The following CIMIP2C variants were observed in gnomAD, a reference collection of about 807,000 sequenced individuals.
CIMIP2C encodes ciliary microtubule inner protein 2C.
the CIMIP2C span, among the ~76,000 whole-genome samples, chr2:26,573,357 T>A: frequency 6.9e-6 from 1 of 144,382 alleles, no homozygotes; most frequent in African/African-American, 2.9e-5. Flanking sequence ...TGTGGAAATG[T>A]ACAATCTAGG....
At chr2:26,571,143 GA>G in the CIMIP2C span, among the ~76,000 whole-genome samples, 1 of 758 alleles carries the variant, frequency 1.3e-3, no homozygotes, top group East Asian at 0.25. Flanking sequence ...CCCAGAGGTA[GA>G]GAGGCTGTCA....
At chr2:26,576,071 C>CT in the CIMIP2C span, 1 of 1,614,238 alleles carries the variant, frequency 6.2e-7, no homozygotes, top group Non-Finnish European at 8.5e-7. Context: ...CAACCTCCTG[C>CT]TGATGGAGCG....
At chr2:26,571,977 TTTGAGA>T in the CIMIP2C span, 1 of 359,112 alleles carries the variant, frequency 2.8e-6, no homozygotes. Flanking sequence ...AATAAGTAGA[TTTGAGA>T]TAAGTGTTAA....
chr2:26,569,935 G>A, the CIMIP2C span, among the ~76,000 whole-genome samples: 58 of 152,298 alleles, frequency 3.8e-4, no homozygotes, highest in African/African-American at 1.3e-3. Context: ...AGGCTCCACC[G>A]TGGAGCTCAG....
the CIMIP2C span, chr2:26,579,111 G>A: frequency 8.0e-6 from 5 of 628,822 alleles, no homozygotes; most frequent in East Asian, 1.4e-4. Context: ...CTTAACCACT[G>A]TGCCATTATG....
the CIMIP2C span, among the ~76,000 whole-genome samples, chr2:26,576,847 T>A: frequency 6.6e-6 from 1 of 152,198 alleles, no homozygotes; most frequent in Non-Finnish European, 1.5e-5. Context: ...AGACCACAGG[T>A]GCATGGGCCT....
the CIMIP2C span, chr2:26,577,622 C>T: frequency 2.5e-6 from 4 of 1,612,964 alleles, no homozygotes; most frequent in South Asian, 2.2e-5. Context: ...CCCCTCCCCA[C>T]CGTCCTGTGA....
chr2:26,574,172 G>C, the CIMIP2C span, among the ~76,000 whole-genome samples: 1 of 152,228 alleles, frequency 6.6e-6, no homozygotes, highest in Non-Finnish European at 1.5e-5. Context: ...ATGTAGAGGA[G>C]GTGATGGGGC....
chr2:26,575,273 C>T, the CIMIP2C span, among the ~76,000 whole-genome samples: 3 of 152,184 alleles, frequency 2.0e-5, no homozygotes, highest in Admixed American at 6.5e-5. Flanking sequence ...GCGTCCTGAA[C>T]CTACGCCTTG....
chr2:26,579,254 C>T, the CIMIP2C span: 5 of 1,604,036 alleles, frequency 3.1e-6, no homozygotes, highest in African/African-American at 1.3e-5. Flanking sequence ...CCTTCCTTCC[C>T]TGGCACACTG....
At chr2:26,567,238 G>C in the CIMIP2C span, among the ~76,000 whole-genome samples, 2 of 152,274 alleles carry the variant, frequency 1.3e-5, no homozygotes, top group Non-Finnish European at 2.9e-5. Context: ...GAGGGACCAG[G>C]TGGAGATAAT....
At chr2:26,578,653 C>A in the CIMIP2C span, 1 of 431,524 alleles carries the variant, frequency 2.3e-6, no homozygotes, top group East Asian at 7.1e-5. Context: ...GCCAGTCCAT[C>A]CCTAGAGTAT....
At chr2:26,567,505 G>A in the CIMIP2C span, among the ~76,000 whole-genome samples, 1,298 of 152,322 alleles carry the variant, frequency 8.5e-3, 24 homozygotes, top group African/African-American at 0.029. Context: ...TCTTAGCAGC[G>A]TGGGAACAGA....
chr2:26,567,797 C>T, the CIMIP2C span, among the ~76,000 whole-genome samples: 1 of 152,246 alleles, frequency 6.6e-6, no homozygotes, highest in South Asian at 2.1e-4. Context: ...GTGTTCGGGC[C>T]CCATCTAGAG....
chr2:26,576,256 C>T, the CIMIP2C span: 1 of 1,485,518 alleles, frequency 6.7e-7, no homozygotes, highest in Non-Finnish European at 9.1e-7. Flanking sequence ...GGCCAGGGGC[C>T]AGGGGGAGAC....
At chr2:26,577,592 TG>T in the CIMIP2C span, 2 of 1,613,960 alleles carry the variant, frequency 1.2e-6, no homozygotes, top group Middle Eastern at 1.6e-4. Flanking sequence ...GCGATGCCCG[TG>T]AGGGAGCCGG....
chr2:26,574,142 G>A, the CIMIP2C span, among the ~76,000 whole-genome samples: 3 of 152,216 alleles, frequency 2.0e-5, no homozygotes, highest in South Asian at 2.1e-4. Flanking sequence ...AGATGGCTGC[G>A]ATGACTCTGC....
At chr2:26,565,309 T>A in the CIMIP2C span, among the ~76,000 whole-genome samples, 19 of 152,328 alleles carry the variant, frequency 1.2e-4, no homozygotes, top group Admixed American at 1.2e-3. Context: ...CAGGCTGGTC[T>A]CGAACTCCTG....
the CIMIP2C span, among the ~76,000 whole-genome samples, chr2:26,571,163 C>T: frequency 3.3e-5 from 5 of 152,020 alleles, no homozygotes; most frequent in East Asian, 3.9e-4. Context: ...CATTGACATA[C>T]GGGACATGTT....
Sources: allele counts gnomAD v4.1 joint callset (sites outside exome capture counted in the v4.1 genomes callset), GRCh38; gene constraint gnomAD v4.1.1; transcripts MANE v1.5; gene names NCBI Gene and HGNC (gene_info 2026-07-23, HGNC 2026-07-21).